TBC1D5: variants seen among roughly 807,000 people sequenced by gnomAD.
The protein encoded by TBC1D5 is TBC1 domain family, member 5.
TBC1D5 carries 75 observed loss-of-function variants against 100.3 expected under a neutral mutation model. That is an observed-to-expected ratio of 0.75 (90% CI 0.62 to 0.91). TBC1D5 has a LOEUF of 0.91. Ranked by LOEUF, TBC1D5 falls within the 40% of genes least tolerant of loss-of-function variation. TBC1D5 has a pLI of 0.00. For missense variants in TBC1D5, 910 were observed against 942.4 expected, an observed-to-expected ratio of 0.97 and a Z score of 0.45; for synonymous variants, 323 against 325.6, an observed-to-expected ratio of 0.99 and a Z score of 0.09.
intron 2 of TBC1D5, among the ~76,000 whole-genome samples, chr3:17,606,970 T>C (rs1189024772): frequency 6.6e-6 from 1 of 152,154 alleles, no homozygotes; most frequent in Non-Finnish European, 1.5e-5. Flanking sequence ...TTACAATAAT[T>C]AGTTCGATTT....
intron 3 of TBC1D5, among the ~76,000 whole-genome samples, chr3:17,471,559 T>TA (rs965623569): frequency 2.1e-5 from 3 of 146,122 alleles, no homozygotes; most frequent in Admixed American, 1.5e-4. Flanking sequence ...AACAGCATTT[T>TA]AAAAAATCAA....
chr3:17,600,197 C>T (rs1473309977), intron 2 of TBC1D5, among the ~76,000 whole-genome samples: 1 of 145,990 alleles, frequency 6.8e-6, no homozygotes, highest in African/African-American at 2.6e-5. Context: ...AAGTTGTGAT[C>T]TCTATGATTC....
At chr3:17,557,127 C>CTGGT (rs2096527289) in intron 2 of TBC1D5, among the ~76,000 whole-genome samples, 1 of 152,146 alleles carries the variant, frequency 6.6e-6, no homozygotes, top group Non-Finnish European at 1.5e-5. Flanking sequence ...GGTCAAGGAG[C>CTGGT]TGGTATCAAT....
At chr3:17,482,053 T>G (rs1171142518) in intron 3 of TBC1D5, among the ~76,000 whole-genome samples, 2 of 151,834 alleles carry the variant, frequency 1.3e-5, no homozygotes, top group African/African-American at 4.9e-5. Flanking sequence ...CTCATTTATT[T>G]AAATAAATTA....
intron 1 of TBC1D5, among the ~76,000 whole-genome samples, chr3:17,673,485 ATT>A (rs1195624471): frequency 1.8e-5 from 2 of 109,176 alleles, no homozygotes. Flanking sequence ...TAATGTTTGT[ATT>A]TTTTTTTTTG....
chr3:17,533,880 C>G (rs114660664), intron 2 of TBC1D5, among the ~76,000 whole-genome samples: 2 of 140,408 alleles, frequency 1.4e-5, no homozygotes, highest in East Asian at 4.1e-4. Context: ...CACAGACACA[C>G]CTATCATTCA....
At chr3:17,174,703 C>A (rs2067526025) in intron 19 of TBC1D5, among the ~76,000 whole-genome samples, 1 of 152,126 alleles carries the variant, frequency 6.6e-6, no homozygotes, top group Non-Finnish European at 1.5e-5. Context: ...AAGCAATTCT[C>A]CTGTCTCAGC....
chr3:17,341,332 G>A (rs2088876436), intron 13 of TBC1D5, among the ~76,000 whole-genome samples: 1 of 152,098 alleles, frequency 6.6e-6, no homozygotes, highest in Non-Finnish European at 1.5e-5. Context: ...GAGTAGCTGG[G>A]ACTACAGGCG....
chr3:17,687,656 A>G (rs2070504228), intron 1 of TBC1D5, among the ~76,000 whole-genome samples: 1 of 152,180 alleles, frequency 6.6e-6, no homozygotes, highest in South Asian at 2.1e-4. Context: ...AAGTCACCTC[A>G]TATTCCAAGA....
At chr3:17,630,132 A>G (rs1470834266) in intron 1 of TBC1D5, among the ~76,000 whole-genome samples, 3 of 152,216 alleles carry the variant, frequency 2.0e-5, no homozygotes, top group Non-Finnish European at 4.4e-5. Flanking sequence ...CCTTAAGAGG[A>G]GGAAGTTCTC....
intron 16 of TBC1D5, among the ~76,000 whole-genome samples, chr3:17,245,434 TAGTAC>T (rs2076655199): frequency 6.6e-6 from 1 of 152,094 alleles, no homozygotes; most frequent in Non-Finnish European, 1.5e-5. Flanking sequence ...GTTAGCTTGT[TAGTAC>T]TTACTCCTTT....
chr3:17,304,646 T>TTC (rs1343510107), intron 14 of TBC1D5, among the ~76,000 whole-genome samples: 1 of 152,194 alleles, frequency 6.6e-6, no homozygotes, highest in Admixed American at 6.5e-5. Flanking sequence ...GCTCAAGCAA[T>TTC]TCTCCTGCCT....
intron 3 of TBC1D5, among the ~76,000 whole-genome samples, chr3:17,460,467 C>G (rs867277714): frequency 6.6e-6 from 1 of 152,136 alleles, no homozygotes; most frequent in Non-Finnish European, 1.5e-5. Flanking sequence ...TCTAGACACT[C>G]CTCCTTCACA....
chr3:17,313,796 A>G (rs2084332202), intron 13 of TBC1D5, among the ~76,000 whole-genome samples: 1 of 152,224 alleles, frequency 6.6e-6, no homozygotes, highest in Non-Finnish European at 1.5e-5. Context: ...TCTCACCAAC[A>G]ACAATTACGT....
chr3:17,350,929 A>G (rs957221826), intron 13 of TBC1D5, among the ~76,000 whole-genome samples: 1 of 152,154 alleles, frequency 6.6e-6, no homozygotes, highest in Non-Finnish European at 1.5e-5. Flanking sequence ...AAATTGCTCA[A>G]TCCCCAATCC....
At chr3:17,536,863 A>T (rs1169055944) in intron 2 of TBC1D5, among the ~76,000 whole-genome samples, 1 of 152,174 alleles carries the variant, frequency 6.6e-6, no homozygotes. Context: ...AGTCATAGAA[A>T]GAAATGTTTG....
chr3:17,353,733 A>G (rs1179382746), intron 13 of TBC1D5, among the ~76,000 whole-genome samples: 1 of 152,110 alleles, frequency 6.6e-6, no homozygotes, highest in Non-Finnish European at 1.5e-5. Context: ...ATCAGTGGAG[A>G]TGTCAGAGTA....
At chr3:17,605,081 A>G (rs1353647215) in intron 2 of TBC1D5, among the ~76,000 whole-genome samples, 1 of 152,232 alleles carries the variant, frequency 6.6e-6, no homozygotes, top group Non-Finnish European at 1.5e-5. Flanking sequence ...TCTTCAACAA[A>G]AAACAACTCT....
chr3:17,598,943 G>C (rs572467524), intron 2 of TBC1D5, among the ~76,000 whole-genome samples: 12 of 152,198 alleles, frequency 7.9e-5, no homozygotes, highest in Non-Finnish European at 1.8e-4. Context: ...CAGGAACTTA[G>C]TGAGAAACAT....
Sources: gnomAD v4.1 joint callset for allele counts (sites outside exome capture counted in the v4.1 genomes callset) on GRCh38, gnomAD v4.1.1 for gene constraint, MANE v1.5 for transcripts, NCBI Gene and HGNC (gene_info 2026-07-23, HGNC 2026-07-21) for gene names.